The following MAGI2 variants were observed in gnomAD, a reference collection of about 807,000 sequenced individuals.
The protein encoded by MAGI2 is membrane associated guanylate kinase, WW and PDZ domain containing 2.
In MAGI2, 35 loss-of-function variants were observed where a neutral mutation model predicts 133.3. That is an observed-to-expected ratio of 0.26 (90% CI 0.20 to 0.35). MAGI2 has a LOEUF of 0.35. Ranked by LOEUF, MAGI2 falls within the 10% of genes least tolerant of loss-of-function variation. MAGI2 has a pLI of 1.00. For missense variants in MAGI2, 1,636 were observed against 1,863.4 expected (o/e 0.88, Z 2.25); for synonymous variants, 729 against 710.6 (o/e 1.03, Z -0.41).
chr7:78,021,794 C>A (rs1183143151), intron 21 of MAGI2, among the ~76,000 whole-genome samples: 1 of 152,066 alleles, frequency 6.6e-6, no homozygotes, highest in Non-Finnish European at 1.5e-5. Flanking sequence ...GATTTTGGAC[C>A]AACAACTAAA....
At chr7:79,001,449 G>T (rs1407564752) in intron 2 of MAGI2, among the ~76,000 whole-genome samples, 1 of 151,988 alleles carries the variant, frequency 6.6e-6, no homozygotes, top group Middle Eastern at 3.2e-3. Context: ...CACATTCTTT[G>T]GTATAATGGA....
chr7:78,673,821 G>A (rs1012358860), intron 2 of MAGI2, among the ~76,000 whole-genome samples: 3 of 152,114 alleles, frequency 2.0e-5, no homozygotes, highest in African/African-American at 7.2e-5. Flanking sequence ...TGGACAATCC[G>A]TGGCCTGGTC....
intron 1 of MAGI2, among the ~76,000 whole-genome samples, chr7:79,157,908 G>C (rs1320091044): frequency 1.6e-5 from 2 of 121,482 alleles, no homozygotes; most frequent in South Asian, 5.8e-4. Flanking sequence ...CATGGCTAAA[G>C]TTCTGAAGTA....
intron 1 of MAGI2, chr7:79,353,579 C>A (rs1841827840): frequency 2.3e-6 from 1 of 430,776 alleles, no homozygotes. Flanking sequence ...GGCCTGCTGT[C>A]TGGAGCTCTG....
intron 21 of MAGI2, among the ~76,000 whole-genome samples, chr7:78,035,521 C>A (rs1810115822): frequency 6.6e-6 from 1 of 152,126 alleles, no homozygotes; most frequent in Non-Finnish European, 1.5e-5. Context: ...TTCCCTTAAT[C>A]TCTCTATATA....
chr7:79,204,375 C>T (rs1418153243), intron 1 of MAGI2, among the ~76,000 whole-genome samples: 2 of 152,006 alleles, frequency 1.3e-5, no homozygotes, highest in Non-Finnish European at 2.9e-5. Context: ...GGGCTTCTGG[C>T]CTGCGCTAGT....
At chr7:79,289,475 G>A (rs919951554) in intron 1 of MAGI2, among the ~76,000 whole-genome samples, 44 of 152,096 alleles carry the variant, frequency 2.9e-4, no homozygotes, top group African/African-American at 3.1e-4. Flanking sequence ...TACTGAGATC[G>A]TAAAATCAAT....
intron 4 of MAGI2, 50 bp from the exon 5 acceptor site, chr7:78,501,837 T>A (rs1320861545): frequency 7.3e-7 from 1 of 1,371,638 alleles, no homozygotes; most frequent in Non-Finnish European, 1.0e-6. Context: ...ATGGTAACTC[T>A]GGACTGAGTA....
intron 3 of MAGI2, among the ~76,000 whole-genome samples, chr7:78,573,163 TACAC>T (rs200107385): frequency 1.0e-5 from 1 of 95,684 alleles, no homozygotes; most frequent in Admixed American, 1.5e-4. Flanking sequence ...GCTATATATA[TACAC>T]ACACACGTAC....
chr7:78,750,411 G>C (rs984830600), intron 2 of MAGI2, among the ~76,000 whole-genome samples: 1 of 152,136 alleles, frequency 6.6e-6, no homozygotes, highest in Non-Finnish European at 1.5e-5. Flanking sequence ...ACCCAGTAAT[G>C]GGATTGCTGG....
intron 3 of MAGI2, among the ~76,000 whole-genome samples, chr7:78,536,103 C>CTTTTTTTTTTTTT (rs544655465): frequency 5.0e-5 from 3 of 59,938 alleles, no homozygotes; most frequent in African/African-American, 7.6e-5. Flanking sequence ...ATGAATTAAA[C>CTTTTTTTTTTTTT]TTTTTTTTTT....
intron 2 of MAGI2, among the ~76,000 whole-genome samples, chr7:78,997,742 A>AGTG (rs1806457302): frequency 6.6e-6 from 1 of 152,162 alleles, no homozygotes. Context: ...TCTGTGCTCT[A>AGTG]AAGTCCTTGA....
At position 78,190,858 on chromosome 7, in the gene MAGI2, A is replaced by G. The variant is rs556565638; in HGVS notation, c.2269+4016T>C. Among the ~76,000 whole-genome samples, 8 of 152,344 alleles carry G rather than the reference A, an allele frequency of 5.3e-5. No homozygotes were observed. In the South Asian group the frequency reaches 1.5e-3, roughly 28 times the overall value. On this transcript the variant is annotated intron_variant, in intron 12 of 21. Coordinates refer to ENST00000354212, the MANE Select transcript of MAGI2 (RefSeq NM_012301.4). Reference sequence around the variant, plus strand: ...TCCTTCCTTTATGAGATTCTCGGGAAAAAGACAGAGAAAAGAGAAGTAAAA... The same window carrying G: ...TCCTTCCTTTATGAGATTCTCGGGAGAAAGACAGAGAAAAGAGAAGTAAAA...
At chr7:79,304,185 G>GTGTT (rs1358255879) in intron 1 of MAGI2, among the ~76,000 whole-genome samples, 1 of 80,572 alleles carries the variant, frequency 1.2e-5, no homozygotes, top group African/African-American at 5.7e-5. Context: ...ACTGGGATGT[G>GTGTT]TGTGTGTGTG....
At chr7:78,212,634 GC>G (rs1369799689) in intron 10 of MAGI2, among the ~76,000 whole-genome samples, 1 of 152,272 alleles carries the variant, frequency 6.6e-6, no homozygotes, top group East Asian at 1.9e-4. Flanking sequence ...ATTGTTTTAA[GC>G]CACTAAGTTT....
intron 21 of MAGI2, among the ~76,000 whole-genome samples, chr7:78,021,642 T>C (rs541505600): frequency 5.5e-4 from 84 of 152,376 alleles, no homozygotes; most frequent in African/African-American, 2.0e-3. Flanking sequence ...TCTCATTCTA[T>C]GTGAAATTCG....
intron 2 of MAGI2, among the ~76,000 whole-genome samples, chr7:78,893,323 A>G (rs1317434234): frequency 1.3e-5 from 2 of 152,280 alleles, no homozygotes; most frequent in African/African-American, 4.8e-5. Flanking sequence ...TTGGTGTGGG[A>G]ATTCCTCAGG....
intron 3 of MAGI2, among the ~76,000 whole-genome samples, chr7:78,527,024 A>AG (rs1797025179): frequency 1.3e-5 from 2 of 150,050 alleles, no homozygotes; most frequent in African/African-American, 2.4e-5. Flanking sequence ...AAAAAAAAAA[A>AG]AAAAAAAAAA....
At chr7:78,966,889 T>G (rs568437958) in intron 2 of MAGI2, among the ~76,000 whole-genome samples, 2 of 151,740 alleles carry the variant, frequency 1.3e-5, no homozygotes, top group South Asian at 2.1e-4. Flanking sequence ...ATTAGTGATG[T>G]TGAACATCTT....
Sources: allele counts gnomAD v4.1 joint callset (sites outside exome capture counted in the v4.1 genomes callset), GRCh38; gene constraint gnomAD v4.1.1; transcripts MANE v1.5; gene names NCBI Gene and HGNC (gene_info 2026-07-23, HGNC 2026-07-21).